KIR3DL3: variants seen among roughly 807,000 people sequenced by gnomAD.
The protein encoded by KIR3DL3 is killer cell immunoglobulin-like receptor 3DL3.
Under a neutral mutation model 34.9 loss-of-function variants are expected in KIR3DL3, and 27 were observed. The observed-to-expected ratio is 0.77, with a 90% CI of 0.57 to 1.07. KIR3DL3 has a LOEUF of 1.07. Among genes scored for constraint, KIR3DL3 ranks in the 50% least tolerant of loss-of-function variants. KIR3DL3 has a pLI of 0.00. For missense variants in KIR3DL3, 681 were observed against 528.5 expected (o/e 1.29, Z -2.83); for synonymous variants, 217 against 200.2 (o/e 1.08, Z -0.71).
In KIR3DL3 at chr19:54,736,179, T is replaced by C; in HGVS notation, c.*83T>C. ...ACAGTCAGGCCTTGATGGGATCTTC[T>C]AGGGAGACAATAGCCCTGTCTCAAA... On this transcript the variant is annotated 3_prime_UTR_variant, in exon 8 of 8. Coordinates refer to ENST00000291860, the MANE Select transcript of KIR3DL3 (RefSeq NM_153443.5). 6 of 1,573,828 alleles carry C rather than the reference T, an allele frequency of 3.8e-6. No homozygotes were observed. Among genetic ancestry groups the C allele is most frequent in the Non-Finnish European group, 5.2e-6 (6 of 1,149,722 alleles).
At chr19:54,735,739 C>T in intron 6 of KIR3DL3, 81 bp from the exon 7 acceptor site, 1 of 1,508,134 alleles carries the variant, frequency 6.6e-7, no homozygotes, top group Non-Finnish European at 9.1e-7. Context: ...TATGGCCTCC[C>T]CCTGTATGTT....
At chr19:54,734,113 A>C (rs1351856926) in intron 5 of KIR3DL3, among the ~76,000 whole-genome samples, 2 of 151,872 alleles carry the variant, frequency 1.3e-5, no homozygotes, top group Admixed American at 1.3e-4. Flanking sequence ...GTTCTACTTC[A>C]CTTTTTTTAT....
At chr19:54,734,843 G>A (rs2146876663) in intron 5 of KIR3DL3, among the ~76,000 whole-genome samples, 1 of 133,014 alleles carries the variant, frequency 7.5e-6, no homozygotes, top group African/African-American at 2.9e-5. Flanking sequence ...GAGGGACCAA[G>A]GGGGAGGGGG....
At chr19:54,734,212 G>C (rs376627443) in intron 5 of KIR3DL3, among the ~76,000 whole-genome samples, 15 of 151,308 alleles carry the variant, frequency 9.9e-5, no homozygotes, top group African/African-American at 3.4e-4. Flanking sequence ...AAGCACATTC[G>C]CTGTGTATCA....
chr19:54,733,048 G>T (rs1239020693), intron 5 of KIR3DL3, among the ~76,000 whole-genome samples: 6 of 152,138 alleles, frequency 3.9e-5, no homozygotes, highest in Non-Finnish European at 8.8e-5. Context: ...AATGAAAGAT[G>T]GATATAAGCT....
At chr19:54,727,568 G>A in intron 3 of KIR3DL3, 43 bp from the exon 4 acceptor site, 2 of 1,580,640 alleles carry the variant, frequency 1.3e-6, no homozygotes, top group East Asian at 2.3e-5. Context: ...TGAATGGGAT[G>A]AGAAAGGGAG....
intron 5 of KIR3DL3, among the ~76,000 whole-genome samples, chr19:54,731,164 C>T (rs2068751852): frequency 2.0e-5 from 3 of 151,908 alleles, no homozygotes. Context: ...CACCACCACA[C>T]TCGGCTAATT....
In KIR3DL3 at chr19:54,729,764, C is replaced by T. The variant is rs2068611645; in HGVS notation, c.927C>T (p.Asp309=). Residue 309 remains aspartate, a synonymous_variant, in exon 5 of 8, where the codon GAC becomes GAT. Transcript: ENST00000291860. ...ALPHAWSDPS[D]PLPVSVTGNS... is the part of the protein sequence containing the mutation. The stretch of plus-strand genomic sequence containing the variant: ...CCCATGCGTGGTCAGACCCGAGTGA[C>T]CCACTGCCCGTTTCTGTCACAGGTG... 6 of 1,595,322 alleles carry T rather than the reference C, an allele frequency of 3.8e-6. No individual in the cohort carries two copies. The highest frequency in any genetic ancestry group is 5.1e-6 in the Non-Finnish European group (6 of 1,173,284).
rs617107 is a variant in KIR3DL3, at chr19:54,736,240, C to A, written c.*144C>A. On this transcript the variant is annotated 3_prime_UTR_variant, in exon 8 of 8. Coordinates refer to ENST00000291860, the MANE Select transcript of KIR3DL3 (RefSeq NM_153443.5). ...CAGCTCCCATGTACCAGCAGCTGGA[C>A]TCTGAAGGCGTGAGTCTGCATCTTA... The A allele has an allele frequency of 0.27, 259,296 of 972,166 alleles. 42,324 individuals carry two copies. Among genetic ancestry groups the A allele is most frequent in the Middle Eastern group, 0.43 (1,831 of 4,306 alleles). The allele number at this position is 972,166 out of a possible 1,614,324, so 60.2% of individuals were successfully genotyped here.
intron 4 of KIR3DL3, among the ~76,000 whole-genome samples, chr19:54,728,411 A>G (rs2068436261): frequency 6.8e-6 from 1 of 147,336 alleles, no homozygotes; most frequent in Admixed American, 7.0e-5. Flanking sequence ...CCAGGACACC[A>G]TGGCCCCAGG....
rs615369 is a variant in KIR3DL3 at position 54,735,886 on chromosome 19, C to A, written c.1107+14C>A. 494,646 of 1,513,430 alleles carry A rather than the reference C, an allele frequency of 0.33. 92,669 individuals carry two copies. Among genetic ancestry groups the A allele is most frequent in the Middle Eastern group, 0.46 (2,567 of 5,598 alleles). The allele number at this position is 1,513,430 out of a possible 1,614,324, so 93.8% of individuals were successfully genotyped here. A position where few individuals can be genotyped will look rare whatever the true frequency, so the allele number is the denominator to read the frequency against. On this transcript the variant is annotated intron_variant, in intron 7 of 7. Transcript: ENST00000291860. ...GTGAACAGGGAGGTAGGTGCTCCTCCGCCCAGCCTCGTGGCTAGTCTTATT... is the reference window on the plus strand; with the variant it reads ...GTGAACAGGGAGGTAGGTGCTCCTCAGCCCAGCCTCGTGGCTAGTCTTATT...
At position 54,725,991 on chromosome 19, in the gene KIR3DL3, C is replaced by T. The variant is rs1255480008; in HGVS notation, c.71-62C>T. The T allele has an allele frequency of 1.5e-5, 21 of 1,364,804 alleles. No individual in the cohort carries two copies. The African/African-American group carries it at 2.5e-4, about 16-fold the overall frequency. The allele number at this position is 1,364,804 out of a possible 1,614,324, so 84.5% of individuals were successfully genotyped here. ...CGTGGAAATGGGAGAATCTTCTGAG[C>T]ACAGGGAGGGAGGGGCGGCTCCACA... On this transcript the variant is annotated intron_variant, in intron 2 of 7. Coordinates refer to ENST00000291860, the MANE Select transcript of KIR3DL3 (RefSeq NM_153443.5).
chr19:54,733,911 T>C (rs1376286031), intron 5 of KIR3DL3, among the ~76,000 whole-genome samples: 1 of 152,136 alleles, frequency 6.6e-6, no homozygotes, highest in South Asian at 2.1e-4. Context: ...GTGCCAGCAC[T>C]AGCCCCTGGT....
intron 2 of KIR3DL3, 44 bp downstream of exon 2, chr19:54,725,326 A>G: frequency 6.8e-7 from 1 of 1,466,954 alleles, no homozygotes; most frequent in Non-Finnish European, 9.2e-7. Flanking sequence ...TCCCCACATA[A>G]GATGATGCTC....
intron 5 of KIR3DL3, among the ~76,000 whole-genome samples, chr19:54,734,186 G>T (rs2069162594): frequency 6.6e-6 from 1 of 151,224 alleles, no homozygotes; most frequent in Non-Finnish European, 1.5e-5. Flanking sequence ...AGAGGGTTGT[G>T]GTGGTAGAAA....
intron 2 of KIR3DL3, among the ~76,000 whole-genome samples, chr19:54,725,520 G>C (rs1228895577): frequency 3.3e-5 from 5 of 152,154 alleles, no homozygotes; most frequent in Admixed American, 3.3e-4. Flanking sequence ...AGACTGAAGT[G>C]CTCAAAGGAG....
At chr19:54,725,950 G>A (rs2068110272) in intron 2 of KIR3DL3, 103 bp from the exon 3 acceptor site, 2 of 1,148,114 alleles carry the variant, frequency 1.7e-6, no homozygotes, top group Non-Finnish European at 2.5e-6. Flanking sequence ...CCCAGGTGTG[G>A]TAGGAGCCTT....
At position 54,735,355 on chromosome 19, in the gene KIR3DL3, AG is replaced by A; in HGVS notation, c.1053del (p.Asn352MetfsTer4). The stretch of plus-strand genomic sequence containing the variant: ...CTTCATCGCTGGTGTGCCAACAAAA[AG>A]AGTAAGTCTCACGAAGCAGAAGCCA... ...FLLHRWCANK[K>X]NAVVMDQEPA... On this transcript the variant is annotated frameshift_variant and splice_region_variant, in exon 6 of 8. Transcript: ENST00000291860. LOFTEE classifies it high-confidence loss of function. 6 of 1,352,698 alleles carry A rather than the reference AG, an allele frequency of 4.4e-6. No homozygotes were observed. The highest frequency in any genetic ancestry group is 6.3e-6 in the Non-Finnish European group (6 of 946,174). The allele number at this position is 1,352,698 out of a possible 1,614,324, so 83.8% of individuals were successfully genotyped here.
At chr19:54,733,133 C>T (rs1210157072) in intron 5 of KIR3DL3, among the ~76,000 whole-genome samples, 10 of 152,120 alleles carry the variant, frequency 6.6e-5, no homozygotes, top group African/African-American at 2.2e-4. Flanking sequence ...ATCCTTGTTT[C>T]ATTAATTTCT....
Sources: allele counts gnomAD v4.1 joint callset (sites outside exome capture counted in the v4.1 genomes callset), GRCh38; gene constraint gnomAD v4.1.1; transcripts MANE v1.5; gene names NCBI Gene and HGNC (gene_info 2026-07-23, HGNC 2026-07-21).